SLC23A2: variants seen among roughly 807,000 people sequenced by gnomAD.
SLC23A2 encodes the protein solute carrier family 23 member 2, also known as Na(+)/L-ascorbic acid transporter 2.
In SLC23A2, 36 loss-of-function variants were observed where a neutral mutation model predicts 73.3. That is an observed-to-expected ratio of 0.49 (90% CI 0.38 to 0.65). The LOEUF is 0.65. SLC23A2 is among the 30% of genes least tolerant of loss of function. The pLI is 0.00. For synonymous variants in SLC23A2, 343 were observed against 327.3 expected, an observed-to-expected ratio of 1.05 and a Z score of -0.52; for missense variants, 507 against 841.6, an observed-to-expected ratio of 0.60 and a Z score of 4.92.
At chr20:4,930,197 G>C (rs1021976560) in intron 3 of SLC23A2, among the ~76,000 whole-genome samples, 1 of 152,138 alleles carries the variant, frequency 6.6e-6, no homozygotes. Context: ...AGGGAAGTGA[G>C]AGTGAATCAT....
At chr20:4,965,170 G>A (rs141869487) in intron 2 of SLC23A2, among the ~76,000 whole-genome samples, 12 of 152,118 alleles carry the variant, frequency 7.9e-5, no homozygotes, top group East Asian at 1.9e-4. Context: ...CGGAGAGAGC[G>A]CTGGGAGGGC....
intron 1 of SLC23A2, among the ~76,000 whole-genome samples, chr20:4,983,473 C>T (rs6053012): frequency 0.73 from 110,131 of 150,010 alleles, 40,803 homozygotes; most frequent in African/African-American, 0.88. Context: ...GGTGAAACCC[C>T]GTCTCTACTA....
At chr20:4,981,170 T>C (rs2087720220) in intron 1 of SLC23A2, among the ~76,000 whole-genome samples, 1 of 152,206 alleles carries the variant, frequency 6.6e-6, no homozygotes, top group Non-Finnish European at 1.5e-5. Flanking sequence ...CTATCTTTGC[T>C]CTCTGCATAG....
At chr20:4,878,737 T>C (rs1174139074) in intron 9 of SLC23A2, among the ~76,000 whole-genome samples, 1 of 152,242 alleles carries the variant, frequency 6.6e-6, no homozygotes, top group African/African-American at 2.4e-5. Context: ...ACATAATTTG[T>C]CCATTCCCCA....
At position 4,856,867 on chromosome 20, in the gene SLC23A2, A is replaced by G; in HGVS notation, c.*105T>C. The G allele has an allele frequency of 1.3e-6, 1 of 749,030 alleles. No homozygotes were observed. The highest frequency in any genetic ancestry group is 2.3e-6 in the Non-Finnish European group (1 of 440,984). 46.4% of individuals were successfully genotyped at this position (749,030 alleles called of 1,614,324 possible). A position where few individuals can be genotyped will look rare whatever the true frequency, so the allele number is the denominator to read the frequency against. On this transcript the variant is annotated 3_prime_UTR_variant, in exon 17 of 17. Transcript: ENST00000338244. The surrounding 1 kb of genome is among the most constrained non-coding windows in gnomAD (Gnocchi z 4.6). ...GCAGTCTGTCTTAGCTCTGGGGCGCAGAATGTAAATGTAGATATACAAACA... is the reference window on the plus strand; with the variant it reads ...GCAGTCTGTCTTAGCTCTGGGGCGCGGAATGTAAATGTAGATATACAAACA...
intron 11 of SLC23A2, among the ~76,000 whole-genome samples, chr20:4,873,475 G>A (rs1183104916): frequency 2.6e-5 from 4 of 152,108 alleles, no homozygotes; most frequent in Non-Finnish European, 4.4e-5. Flanking sequence ...CTACAGCTGT[G>A]GCCAAATTTA....
chr20:4,869,883 A>C, intron 12 of SLC23A2, 23 bp downstream of exon 12: 1 of 1,601,560 alleles, frequency 6.2e-7, no homozygotes, highest in Non-Finnish European at 8.5e-7. Flanking sequence ...ACCAATCAGG[A>C]ACTTGTCTTC....
chr20:4,960,706 C>T (rs1003812453), intron 2 of SLC23A2, among the ~76,000 whole-genome samples: 18 of 152,092 alleles, frequency 1.2e-4, no homozygotes, highest in African/African-American at 2.7e-4. Context: ...AGTAAAGACA[C>T]GGACTGTAAA....
At position 4,853,859 on chromosome 20, in the gene SLC23A2, A is replaced by G. The variant is rs1407515969; in HGVS notation, c.*3113T>C. 6.6e-6 allele frequency: 1 copy of G among 152,226 alleles called. No individual in the cohort carries two copies. Among genetic ancestry groups the G allele is most frequent in the East Asian group, 1.9e-4 (1 of 5,206 alleles). 9.4% of individuals were successfully genotyped at this position (152,226 alleles called of 1,614,324 possible). A position where few individuals can be genotyped will look rare whatever the true frequency, so the allele number is the denominator to read the frequency against. On this transcript the variant is annotated 3_prime_UTR_variant, in exon 17 of 17. Transcript: ENST00000338244. ...ATCCTCTTGAGGATTCTGAAAGTAA[A>G]TGTATCTGTGAATCTACATTTAACT...
intron 9 of SLC23A2, among the ~76,000 whole-genome samples, chr20:4,878,751 GT>G (rs1388786805): frequency 6.6e-6 from 1 of 151,996 alleles, no homozygotes; most frequent in African/African-American, 2.4e-5. Flanking sequence ...TTCCCCACTG[GT>G]TTCAAATATG....
chr20:4,999,705 T>C (rs979771020), intron 1 of SLC23A2, among the ~76,000 whole-genome samples: 20 of 152,146 alleles, frequency 1.3e-4, no homozygotes, highest in Non-Finnish European at 1.0e-4. Context: ...GGTACTTCAA[T>C]AGGCATTTTT....
chr20:4,872,194 C>T lies in SLC23A2; in HGVS notation c.1102+1742G>A, dbSNP rs1930473469. Among the ~76,000 whole-genome samples, 1 of 152,160 alleles carries T rather than the reference C, an allele frequency of 6.6e-6. No individual in the cohort carries two copies. Among genetic ancestry groups the T allele is most frequent in the African/African-American group, 2.4e-5 (1 of 41,430 alleles). ...ATCAGTCCAGACCATGCCTAGTGTACTAAAGACTGAAAAGCACTGCTCAGG... is the reference window on the plus strand; with the variant it reads ...ATCAGTCCAGACCATGCCTAGTGTATTAAAGACTGAAAAGCACTGCTCAGG... On this transcript the variant is annotated intron_variant, in intron 11 of 16. Coordinates refer to ENST00000338244, the MANE Select transcript of SLC23A2 (RefSeq NM_005116.6). The surrounding 1 kb of genome is among the most constrained non-coding windows in gnomAD (Gnocchi z 4.4).
intron 1 of SLC23A2, among the ~76,000 whole-genome samples, chr20:4,972,555 G>A (rs917633178): frequency 7.4e-6 from 1 of 135,028 alleles, no homozygotes; most frequent in Non-Finnish European, 1.6e-5. Flanking sequence ...CTATGTGGGG[G>A]TTTTTGGGGG....
intron 8 of SLC23A2, among the ~76,000 whole-genome samples, 199 bp from the exon 9 acceptor site, chr20:4,884,022 C>T (rs1286014494): frequency 6.6e-6 from 1 of 152,216 alleles, no homozygotes; most frequent in Non-Finnish European, 1.5e-5. Flanking sequence ...ATTCATGATG[C>T]AGGTGTATTA....
chr20:4,983,384 C>T (rs917990829), intron 1 of SLC23A2, among the ~76,000 whole-genome samples: 6 of 152,154 alleles, frequency 3.9e-5, no homozygotes, highest in Admixed American at 1.3e-4. Flanking sequence ...CAGTGGCTCA[C>T]GCCTGTAATC....
rs1929663015 is a variant in SLC23A2 at position 4,855,016 on chromosome 20, A to T, written c.*1956T>A. The T allele has an allele frequency of 6.6e-6, 1 of 152,616 alleles. No homozygotes were observed. The highest frequency in any genetic ancestry group is 1.5e-5 in the Non-Finnish European group (1 of 68,044). The allele number at this position is 152,616 out of a possible 1,614,324, so 9.5% of individuals were successfully genotyped here. A position where few individuals can be genotyped will look rare whatever the true frequency, so the allele number is the denominator to read the frequency against. ...CCAGCCTCAAGAGTGTCCCAAGGCA[A>T]GAGGGATGGAAACCGCGAGCCAGTG... On this transcript the variant is annotated 3_prime_UTR_variant, in exon 17 of 17. Coordinates refer to ENST00000338244, the MANE Select transcript of SLC23A2 (RefSeq NM_005116.6).
intron 1 of SLC23A2, among the ~76,000 whole-genome samples, chr20:4,975,814 C>T (rs1308302454): frequency 6.7e-6 from 1 of 150,340 alleles, no homozygotes; most frequent in Non-Finnish European, 1.5e-5. Flanking sequence ...TTTTTCAGTA[C>T]GTGTTTGGGT....
At position 4,899,491 on chromosome 20, in the gene SLC23A2, A is replaced by G. The variant is rs964684035; in HGVS notation, c.482+64T>C. ...CAGCCCTAGGCAAACGGCGCAGCTC[A>G]ATGCCTTCTGCGCTCAATGCCTTCT... On this transcript the variant is annotated intron_variant, in intron 6 of 16. Transcript: ENST00000338244. This position sits in a 1 kb window ranked among gnomAD's most constrained non-coding sequence, Gnocchi z 4.9. The G allele has an allele frequency of 1.7e-5, 1 of 58,626 alleles. No homozygotes were observed. The highest frequency in any genetic ancestry group is 2.7e-5 in the Non-Finnish European group (1 of 37,532). The allele number at this position is 58,626 out of a possible 1,614,324, so 3.6% of individuals were successfully genotyped here.
chr20:4,877,965 A>G (rs1259570431), intron 9 of SLC23A2, among the ~76,000 whole-genome samples: 4 of 152,216 alleles, frequency 2.6e-5, no homozygotes, highest in African/African-American at 9.6e-5. Context: ...TTCACTCTCA[A>G]TTCCAACAGA....
Sources: allele counts gnomAD v4.1 joint callset (sites outside exome capture counted in the v4.1 genomes callset), GRCh38; gene constraint gnomAD v4.1.1; non-coding constraint Gnocchi (gnomAD v3.1); transcripts MANE v1.5; gene names NCBI Gene and HGNC (gene_info 2026-07-23, HGNC 2026-07-21).